SHANK2: variants seen among roughly 807,000 people sequenced by gnomAD.
SHANK2 encodes the protein SH3 and multiple ankyrin repeat domains 2.
SHANK2 carries 43 observed loss-of-function variants against 133.7 expected under a neutral mutation model. The observed-to-expected ratio is 0.32, with a 90% CI of 0.25 to 0.41. SHANK2 has a LOEUF of 0.41. Ranked by LOEUF, SHANK2 falls within the 10% of genes least tolerant of loss-of-function variation. The pLI is 1.00. For missense variants in SHANK2, 1,994 were observed against 2,235.8 expected (o/e 0.89, Z 2.18); for synonymous variants, 1,017 against 952.8 (o/e 1.07, Z -1.24).
chr11:70,938,948 G>A (rs1423500019), intron 10 of SHANK2, among the ~76,000 whole-genome samples: 4 of 152,130 alleles, frequency 2.6e-5, no homozygotes, highest in African/African-American at 9.7e-5. Flanking sequence ...GAGAGGGTCT[G>A]GGCCACCAGC....
chr11:70,844,143 C>T (rs1488368859), intron 11 of SHANK2, among the ~76,000 whole-genome samples: 1 of 152,192 alleles, frequency 6.6e-6, no homozygotes, highest in African/African-American at 2.4e-5. Context: ...TTCCCCACAT[C>T]TCTGGACAGG....
At chr11:71,126,454 C>A (rs555374213) in intron 3 of SHANK2, among the ~76,000 whole-genome samples, 1 of 152,088 alleles carries the variant, frequency 6.6e-6, no homozygotes. Flanking sequence ...AGGAGATAAA[C>A]GTTTTCATGC....
At chr11:70,927,747 T>C (rs1307510324) in intron 10 of SHANK2, among the ~76,000 whole-genome samples, 5 of 152,144 alleles carry the variant, frequency 3.3e-5, no homozygotes, top group African/African-American at 9.7e-5. Context: ...TTCCTGGATA[T>C]ATCTGGGAGA....
At chr11:70,744,155 A>C (rs1946590280) in intron 14 of SHANK2, among the ~76,000 whole-genome samples, 1 of 152,202 alleles carries the variant, frequency 6.6e-6, no homozygotes, top group Admixed American at 6.5e-5. Flanking sequence ...AGGAACACAC[A>C]GGGCCCCAGA....
intron 14 of SHANK2, among the ~76,000 whole-genome samples, chr11:70,710,905 G>A (rs1366393371): frequency 4.6e-5 from 7 of 152,308 alleles, no homozygotes; most frequent in Admixed American, 3.3e-4. Flanking sequence ...CACAGGAAAC[G>A]GAGGGAACTG....
At chr11:71,247,943 T>C (rs1408739447) in intron 1 of SHANK2, among the ~76,000 whole-genome samples, 1 of 152,242 alleles carries the variant, frequency 6.6e-6, no homozygotes, top group Non-Finnish European at 1.5e-5. Context: ...ATGTCCCTGC[T>C]GCTGCCAGCA....
At chr11:70,712,273 G>A (rs1188422231) in intron 14 of SHANK2, among the ~76,000 whole-genome samples, 2 of 152,136 alleles carry the variant, frequency 1.3e-5, no homozygotes, top group African/African-American at 4.8e-5. Flanking sequence ...GACCCTTGGG[G>A]TCACACTGAA....
intron 11 of SHANK2, among the ~76,000 whole-genome samples, chr11:70,823,221 G>T (rs1390157576): frequency 1.0e-4 from 5 of 49,746 alleles, no homozygotes; most frequent in African/African-American, 5.1e-4. Flanking sequence ...CAGAGGTGGC[G>T]CTGGCAGAGT....
chr11:71,137,784 C>T (rs576565339), intron 3 of SHANK2, among the ~76,000 whole-genome samples: 16 of 152,336 alleles, frequency 1.1e-4, no homozygotes, highest in Admixed American at 5.2e-4. Context: ...TTCAGGATCA[C>T]GACCACCCAA....
intron 10 of SHANK2, among the ~76,000 whole-genome samples, chr11:70,939,377 C>T (rs1361948429): frequency 6.6e-6 from 1 of 152,086 alleles, no homozygotes; most frequent in Non-Finnish European, 1.5e-5. Flanking sequence ...ACTCGGGAGG[C>T]TGAGGAAGGA....
At chr11:70,520,846 G>A (rs1484700804) in intron 17 of SHANK2, among the ~76,000 whole-genome samples, 7 of 152,202 alleles carry the variant, frequency 4.6e-5, no homozygotes, top group Admixed American at 3.9e-4. Flanking sequence ...AATTGTCCCG[G>A]CCGTGGTCTT....
Position 70,807,040 on chromosome 11 carries a change from T to C in SHANK2, c.1625A>G (p.Asp542Gly). The C allele has an allele frequency of 1.4e-6, 1 of 717,746 alleles. No homozygotes were observed. Among genetic ancestry groups the C allele is most frequent in the Non-Finnish European group, 2.6e-6 (1 of 384,894 alleles). 44.5% of individuals were successfully genotyped at this position (717,746 alleles called of 1,614,324 possible). The change falls in exon 13 of 26, where the codon GAC (aspartate) becomes GGC (glycine). Residue 542 changes from aspartate to glycine, a missense_variant. By Grantham distance (94) the Asp-to-Gly change is moderately conservative (BLOSUM62 -1). Transcript: ENST00000601538. This position sits in a 1 kb window ranked among gnomAD's most constrained non-coding sequence, Gnocchi z 4.8. Reference protein sequence around the residue: ...VAVKPYQPQVDGEIPLHRGDR... With the variant: ...VAVKPYQPQVGGEIPLHRGDR... ...ACCGCGGTGAAGGGGGATCTCGCCG[T>C]CCACTTGGGGTTGGTATGGCTTGAC...
intron 17 of SHANK2, among the ~76,000 whole-genome samples, chr11:70,647,827 G>A (rs561553193): frequency 1.2e-4 from 18 of 146,900 alleles, no homozygotes; most frequent in Admixed American, 3.4e-4. Context: ...CTGAACACCC[G>A]CCCATCCCAC....
At chr11:70,684,413 G>A (rs1390337231) in intron 15 of SHANK2, among the ~76,000 whole-genome samples, 1 of 152,090 alleles carries the variant, frequency 6.6e-6, no homozygotes, top group Non-Finnish European at 1.5e-5. Flanking sequence ...AGATTAGCCA[G>A]GTGTGGTGGT....
intron 17 of SHANK2, among the ~76,000 whole-genome samples, chr11:70,555,212 C>T (rs1388396280): frequency 6.6e-6 from 1 of 152,206 alleles, no homozygotes; most frequent in Non-Finnish European, 1.5e-5. Flanking sequence ...CTGTGCAGGC[C>T]TCCTTACTCC....
chr11:71,077,861 A>G (rs1440619540), intron 8 of SHANK2, among the ~76,000 whole-genome samples: 1 of 152,178 alleles, frequency 6.6e-6, no homozygotes, highest in East Asian at 1.9e-4. Context: ...GGAGAAAACT[A>G]GAATATGCCT....
chr11:70,902,160 C>T (rs574120104), intron 10 of SHANK2, among the ~76,000 whole-genome samples: 1 of 152,346 alleles, frequency 6.6e-6, no homozygotes, highest in South Asian at 2.1e-4. Context: ...AGCAGGCGGC[C>T]ACCCGGGCAG....
Position 70,486,014 on chromosome 11 carries a change from G to A in SHANK2, c.4279C>T (p.Arg1427Trp). The change falls in exon 25 of 26, where the codon CGG (arginine) becomes TGG (tryptophan). Residue 1427 changes from arginine to tryptophan, a missense_variant. Physicochemically the swap from Arg to Trp is moderately radical, Grantham distance 101 (BLOSUM62 -3). This residue lies in a region of SHANK2 where 797 missense variants were observed against 907.4 expected (regional missense o/e 0.88). Transcript: ENST00000601538. This position sits in a 1 kb window ranked among gnomAD's most constrained non-coding sequence, Gnocchi z 8.0. ...FANSFDIPDD[R>W]AASVPALSDL... ...GAGAGAGCCGGGACAGAAGCTGCCC[G>A]GTCATCGGGGATATCAAAACTATTT... 3.1e-6 allele frequency: 5 copies of A among 1,613,594 alleles called. No individual in the cohort carries two copies. Among genetic ancestry groups the A allele is most frequent in the East Asian group, 2.2e-5 (1 of 44,836 alleles).
intron 11 of SHANK2, among the ~76,000 whole-genome samples, chr11:70,836,668 T>G (rs1555060136): frequency 6.6e-6 from 1 of 152,198 alleles, no homozygotes; most frequent in Non-Finnish European, 1.5e-5. Flanking sequence ...AAAGAACCAC[T>G]GCAGCTGCCC....
Sources: gnomAD v4.1 joint callset for allele counts (sites outside exome capture counted in the v4.1 genomes callset) on GRCh38, gnomAD v4.1.1 for gene constraint, gnomAD v4.1.1 regional missense constraint, Gnocchi (gnomAD v3.1) non-coding constraint, MANE v1.5 for transcripts, NCBI Gene and HGNC (gene_info 2026-07-23, HGNC 2026-07-21) for gene names.